PRAG1: variants seen among roughly 807,000 people sequenced by gnomAD.
PRAG1 encodes inactive tyrosine-protein kinase PRAG1.
Under a neutral mutation model 95.6 loss-of-function variants are expected in PRAG1, and 110 were observed. That is an observed-to-expected ratio of 1.15 (90% CI 0.99 to 1.35). The LOEUF is 1.35. Among genes scored for constraint, PRAG1 ranks in the 40% most tolerant of loss-of-function variants. The pLI is 0.00. For synonymous variants in PRAG1, 1,052 were observed against 819.4 expected (o/e 1.28, Z -4.85); for missense variants, 2,554 against 1,864.7 (o/e 1.37, Z -6.81).
At chr8:8,378,543 T>C (rs772988381) in intron 2 of PRAG1, among the ~76,000 whole-genome samples, 1 of 152,054 alleles carries the variant, frequency 6.6e-6, no homozygotes, top group African/African-American at 2.4e-5. Flanking sequence ...GAAATCGAAG[T>C]CTTAAGTGTT....
intron 3 of PRAG1, among the ~76,000 whole-genome samples, chr8:8,347,460 G>A (rs1230443014): frequency 1.3e-5 from 2 of 152,184 alleles, no homozygotes; most frequent in Admixed American, 1.3e-4. Flanking sequence ...TTGGCTCCAT[G>A]ATTCAAAGCA....
chr8:8,349,262 C>CTATTTATT (rs1208208861), intron 3 of PRAG1, among the ~76,000 whole-genome samples: 3 of 140,902 alleles, frequency 2.1e-5, no homozygotes, highest in African/African-American at 8.9e-5. Flanking sequence ...ATTTATCTAT[C>CTATTTATT]TATCTATTTA....
chr8:8,323,343 G>GCT (rs1798531525), intron 5 of PRAG1, among the ~76,000 whole-genome samples: 3 of 139,196 alleles, frequency 2.2e-5, no homozygotes, highest in Non-Finnish European at 4.6e-5. Context: ...TTTTGAGATA[G>GCT]AGTCTTGCTC....
intron 3 of PRAG1, among the ~76,000 whole-genome samples, chr8:8,370,399 T>G (rs1482965846): frequency 6.6e-6 from 1 of 152,236 alleles, no homozygotes; most frequent in East Asian, 1.9e-4. Context: ...CATTCTCCCC[T>G]GACCAACTTG....
chr8:8,382,181 G>A (rs1800700378), intron 1 of PRAG1, among the ~76,000 whole-genome samples: 2 of 152,280 alleles, frequency 1.3e-5, no homozygotes, highest in Admixed American at 1.3e-4. Flanking sequence ...ATGAGAAGCT[G>A]GTACGTCATC....
intron 1 of PRAG1, among the ~76,000 whole-genome samples, chr8:8,384,219 G>T (rs954340470): frequency 6.6e-6 from 1 of 152,122 alleles, no homozygotes; most frequent in African/African-American, 2.4e-5. Context: ...CAACAGGCAA[G>T]TAAGAACACA....
In PRAG1 at chr8:8,318,619, G is replaced by A. The variant is rs754297473; in HGVS notation, c.3756C>T (p.Phe1252=). 6.2e-7 allele frequency: 1 copy of A among 1,612,930 alleles called. No individual in the cohort carries two copies. The highest frequency in any genetic ancestry group is 1.1e-5 in the South Asian group (1 of 91,016). Residue 1252 remains phenylalanine (F), a synonymous_variant, in exon 6 of 6, where the codon TTC becomes TTT. Transcript: ENST00000615670. This position sits in a 1 kb window ranked among gnomAD's most constrained non-coding sequence, Gnocchi z 4.2. The part of the protein sequence containing the change: ...EIVSASQYRK[F]DEFQTGILIY... ...TGAGGATGCCTGTCTGGAACTCATC[G>A]AACTTGCGGTACTGGGAAGCAGACA... is the stretch of plus-strand genomic sequence containing the variant.
chr8:8,381,105 T>C (rs2116948184), intron 2 of PRAG1, among the ~76,000 whole-genome samples: 1 of 152,318 alleles, frequency 6.6e-6, no homozygotes, highest in African/African-American at 2.4e-5. Flanking sequence ...CTTGTATATA[T>C]ATTTAAAATG....
intron 4 of PRAG1, among the ~76,000 whole-genome samples, chr8:8,331,900 C>G (rs927141175): frequency 2.6e-5 from 4 of 152,206 alleles, no homozygotes; most frequent in African/African-American, 9.7e-5. Flanking sequence ...AGCAGAGAAG[C>G]TTAACTTCAA....
chr8:8,329,759 C>T (rs887020462), intron 4 of PRAG1, among the ~76,000 whole-genome samples: 1 of 152,194 alleles, frequency 6.6e-6, no homozygotes, highest in Admixed American at 6.5e-5. Flanking sequence ...ACACCAGTTG[C>T]AAGCCACATA....
intron 3 of PRAG1, among the ~76,000 whole-genome samples, chr8:8,361,163 C>T (rs1799833094): frequency 1.3e-5 from 2 of 152,162 alleles, no homozygotes; most frequent in South Asian, 4.1e-4. Context: ...TTTACAAAGT[C>T]AATGTCCCCC....
At chr8:8,335,106 T>G (rs961197207) in intron 4 of PRAG1, among the ~76,000 whole-genome samples, 2 of 152,170 alleles carry the variant, frequency 1.3e-5, no homozygotes, top group Non-Finnish European at 2.9e-5. Context: ...GATGGAAAAG[T>G]AAATAGACAT....
chr8:8,322,458 C>T (rs1470171134), intron 5 of PRAG1, among the ~76,000 whole-genome samples: 4 of 152,134 alleles, frequency 2.6e-5, no homozygotes, highest in Admixed American at 2.0e-4. Context: ...AAATCACCAA[C>T]ATGTAAACCC....
At chr8:8,361,910 G>C (rs1390801606) in intron 3 of PRAG1, among the ~76,000 whole-genome samples, 1 of 152,202 alleles carries the variant, frequency 6.6e-6, no homozygotes, top group Admixed American at 6.5e-5. Context: ...GGGGGAATCT[G>C]ATCACTTGCA....
intron 3 of PRAG1, among the ~76,000 whole-genome samples, chr8:8,346,155 T>C (rs1799334731): frequency 6.6e-6 from 1 of 152,220 alleles, no homozygotes; most frequent in Admixed American, 6.5e-5. Context: ...CTTAGCCTTT[T>C]TTAAAGGCAC....
chr8:8,334,716 A>G (rs940998030), intron 4 of PRAG1, among the ~76,000 whole-genome samples: 1 of 150,346 alleles, frequency 6.7e-6, no homozygotes, highest in Non-Finnish European at 1.5e-5. Context: ...TGGAATTATG[A>G]TCTTTCAATC....
chr8:8,322,793 G>A (rs1798515040), intron 5 of PRAG1, among the ~76,000 whole-genome samples: 1 of 152,126 alleles, frequency 6.6e-6, no homozygotes, highest in African/African-American at 2.4e-5. Context: ...GTGCCAATCA[G>A]AAAATCTTTG....
chr8:8,361,154 T>G (rs1799832967), intron 3 of PRAG1, among the ~76,000 whole-genome samples: 1 of 152,186 alleles, frequency 6.6e-6, no homozygotes, highest in African/African-American at 2.4e-5. Flanking sequence ...AGGGGAGCAT[T>G]TACAAAGTCA....
intron 4 of PRAG1, 87 bp downstream of exon 4, chr8:8,339,391 C>T: frequency 7.0e-7 from 1 of 1,422,770 alleles, no homozygotes; most frequent in Non-Finnish European, 9.7e-7. Flanking sequence ...AGTCCTTGCT[C>T]AGCCCTTCCA....
Sources: allele counts gnomAD v4.1 joint callset (sites outside exome capture counted in the v4.1 genomes callset), GRCh38; gene constraint gnomAD v4.1.1; non-coding constraint Gnocchi (gnomAD v3.1); transcripts MANE v1.5; gene names NCBI Gene and HGNC (gene_info 2026-07-23, HGNC 2026-07-21).